DGKI: variants seen among roughly 807,000 people sequenced by gnomAD.
The protein encoded by DGKI is DAG kinase iota.
A neutral mutation model predicts 147.5 loss-of-function variants in DGKI; 55 were observed. The ratio of observed to expected loss-of-function variants is 0.37; its 90% CI spans 0.30 to 0.47. The LOEUF (loss-of-function observed/expected upper bound fraction) is 0.47, where lower values mean the gene tolerates loss of function less well. Among genes scored for constraint, DGKI ranks in the 20% least tolerant of loss-of-function variants. DGKI has a pLI of 1.00. For synonymous variants in DGKI, 469 were observed against 477.1 expected (o/e 0.98, Z 0.22); for missense variants, 1,007 against 1,323.8 (o/e 0.76, Z 3.71).
At chr7:137,541,266 T>A (rs1224140173) in intron 20 of DGKI, among the ~76,000 whole-genome samples, 1 of 152,154 alleles carries the variant, frequency 6.6e-6, no homozygotes. Context: ...TGCATGTGCG[T>A]GTGTGTGTAT....
At chr7:137,822,644 T>A (rs563206727) in intron 1 of DGKI, among the ~76,000 whole-genome samples, 1 of 152,004 alleles carries the variant, frequency 6.6e-6, no homozygotes, top group Non-Finnish European at 1.5e-5. Flanking sequence ...CATCAGACAT[T>A]TGAACAGCCT....
intron 17 of DGKI, among the ~76,000 whole-genome samples, chr7:137,576,329 C>T (rs945833774): frequency 1.3e-5 from 2 of 152,004 alleles, no homozygotes; most frequent in Non-Finnish European, 2.9e-5. Context: ...TGAGCCACCG[C>T]GCCTGGCCCA....
chr7:137,454,511 T>C (rs950281533), intron 27 of DGKI, among the ~76,000 whole-genome samples: 1 of 152,054 alleles, frequency 6.6e-6, no homozygotes, highest in Non-Finnish European at 1.5e-5. Flanking sequence ...AGAGATGAAG[T>C]TGGAGAAAAT....
chr7:137,392,615 A>G (rs1309029280), intron 32 of DGKI, among the ~76,000 whole-genome samples: 1 of 152,212 alleles, frequency 6.6e-6, no homozygotes, highest in East Asian at 1.9e-4. Flanking sequence ...ATCTTTCTAA[A>G]ATGTTACTTA....
intron 1 of DGKI, among the ~76,000 whole-genome samples, chr7:137,753,736 TG>T (rs1210947625): frequency 6.6e-6 from 1 of 152,184 alleles, no homozygotes; most frequent in Non-Finnish European, 1.5e-5. Flanking sequence ...GGGTGATCTA[TG>T]AGGCTACAGA....
chr7:137,829,597 G>C (rs1056217977), intron 1 of DGKI, among the ~76,000 whole-genome samples: 1 of 152,212 alleles, frequency 6.6e-6, no homozygotes, highest in Non-Finnish European at 1.5e-5. Context: ...GTGTAAAGAA[G>C]GAACCGGATT....
At position 137,597,847 on chromosome 7, in the gene DGKI, C is replaced by T; in HGVS notation, c.1311G>A (p.Thr437=). The change falls in exon 12 of 33, where the codon ACG becomes ACA. Residue 437 remains threonine (T), a splice_region_variant and synonymous_variant. Coordinates refer to ENST00000614521, the MANE Select transcript of DGKI (RefSeq NM_001321708.2). ...LRILACGGDG[T]VGWILSILDE... ...ACTGGATTCTCTCTCAGGGACCTACCGTTCCATCCCCACCACAGGCCAGAA... is the reference window on the plus strand; with the variant it reads ...ACTGGATTCTCTCTCAGGGACCTACTGTTCCATCCCCACCACAGGCCAGAA... The T allele has an allele frequency of 1.2e-6, 2 of 1,613,670 alleles. No individual in the cohort carries two copies. The highest frequency in any genetic ancestry group is 1.7e-6 in the Non-Finnish European group (2 of 1,179,702).
intron 1 of DGKI, among the ~76,000 whole-genome samples, chr7:137,757,912 C>T (rs1017344557): frequency 1.4e-4 from 21 of 152,278 alleles, no homozygotes; most frequent in African/African-American, 5.1e-4. Context: ...ATTGGAGAAT[C>T]GTAACACTCT....
intron 3 of DGKI, among the ~76,000 whole-genome samples, chr7:137,673,929 TCAAC>T (rs1334504029): frequency 6.6e-6 from 1 of 152,136 alleles, no homozygotes; most frequent in African/African-American, 2.4e-5. Context: ...CACTGGGTAC[TCAAC>T]CCAGCTCACA....
chr7:137,685,304 T>C (rs767148061), intron 2 of DGKI, among the ~76,000 whole-genome samples: 34 of 152,312 alleles, frequency 2.2e-4, no homozygotes, highest in Non-Finnish European at 1.3e-4. Flanking sequence ...TTAAAACCAA[T>C]GTGCCCTTTA....
chr7:137,455,784 C>T (rs954294691), intron 27 of DGKI, among the ~76,000 whole-genome samples: 17 of 151,866 alleles, frequency 1.1e-4, no homozygotes, highest in African/African-American at 1.5e-4. Flanking sequence ...GTCCCATGCC[C>T]GATATGACTC....
chr7:137,800,818 C>G (rs377335133), intron 1 of DGKI, among the ~76,000 whole-genome samples: 15 of 152,076 alleles, frequency 9.9e-5, no homozygotes, highest in African/African-American at 3.4e-4. Context: ...ACATTTTCTG[C>G]CCCCACCCAA....
At chr7:137,669,800 T>A (rs1053262255) in intron 3 of DGKI, among the ~76,000 whole-genome samples, 1 of 152,226 alleles carries the variant, frequency 6.6e-6, no homozygotes, top group Non-Finnish European at 1.5e-5. Context: ...TTTTTTTCCT[T>A]TATCTTTAGG....
At chr7:137,704,702 CACATCTAGAA>C (rs1380732099) in intron 1 of DGKI, among the ~76,000 whole-genome samples, 1 of 152,134 alleles carries the variant, frequency 6.6e-6, no homozygotes, top group Non-Finnish European at 1.5e-5. Context: ...CAAAGACCTT[CACATCTAGAA>C]ACATCATAGT....
chr7:137,469,425 C>T (rs1010713769), intron 24 of DGKI, 125 bp downstream of exon 24: 1 of 881,704 alleles, frequency 1.1e-6, no homozygotes, highest in Non-Finnish European at 1.8e-6. Context: ...CAATACCAGC[C>T]ATGTGGAGTC....
intron 1 of DGKI, among the ~76,000 whole-genome samples, chr7:137,734,247 T>TGGG (rs1794962023): frequency 1.3e-5 from 2 of 151,836 alleles, no homozygotes; most frequent in Non-Finnish European, 2.9e-5. Flanking sequence ...GTAGCTAGAG[T>TGGG]GGGAGCAGGG....
At chr7:137,485,159 T>C (rs1194103672) in intron 23 of DGKI, among the ~76,000 whole-genome samples, 1 of 152,070 alleles carries the variant, frequency 6.6e-6, no homozygotes, top group Non-Finnish European at 1.5e-5. Flanking sequence ...TTCTAAATGA[T>C]CTAGGAGAAA....
chr7:137,406,019 T>C (rs1811934021), intron 30 of DGKI, among the ~76,000 whole-genome samples: 1 of 152,120 alleles, frequency 6.6e-6, no homozygotes, highest in African/African-American at 2.4e-5. Flanking sequence ...GAGAGATTCC[T>C]GGATTGTGTT....
intron 28 of DGKI, among the ~76,000 whole-genome samples, chr7:137,419,539 G>T: frequency 6.6e-6 from 1 of 152,080 alleles, no homozygotes; most frequent in East Asian, 1.9e-4. Flanking sequence ...GGCTTAGCTC[G>T]CAAAAAAATG....
Sources: gnomAD v4.1 joint callset for allele counts (sites outside exome capture counted in the v4.1 genomes callset) on GRCh38, gnomAD v4.1.1 for gene constraint, MANE v1.5 for transcripts, NCBI Gene and HGNC (gene_info 2026-07-23, HGNC 2026-07-21) for gene names.